SIDT1: variants seen among roughly 807,000 people sequenced by gnomAD.
The protein encoded by SIDT1 is SID1 transmembrane family member 1.
A neutral mutation model predicts 107.5 loss-of-function variants in SIDT1; 101 were observed. That is an observed-to-expected ratio of 0.94 (90% CI 0.80 to 1.11). SIDT1 has a LOEUF of 1.11. Among genes scored for constraint, SIDT1 ranks in the 50% least tolerant of loss-of-function variants. The pLI is 0.00. For missense variants in SIDT1, 1,076 were observed against 1,058.2 expected, an observed-to-expected ratio of 1.02 and a Z score of -0.23; for synonymous variants, 395 against 398.2, an observed-to-expected ratio of 0.99 and a Z score of 0.10.
chr3:113,567,522 C>T lies in SIDT1; in HGVS notation c.345-18C>T, dbSNP rs1262063788. 4 of 1,591,094 alleles carry T rather than the reference C, an allele frequency of 2.5e-6. No homozygotes were observed. Among genetic ancestry groups the T allele is most frequent in the African/African-American group, 2.7e-5 (2 of 73,806 alleles). ...TCTTGTCCTTGTTTATTTTTTTCCC[C>T]TATATTGGCTGCTTCAGATACCAGA... On this transcript the variant is annotated intron_variant, in intron 2 of 24. Coordinates refer to ENST00000264852, the MANE Select transcript of SIDT1 (RefSeq NM_017699.3).
At chr3:113,637,100 G>A in the SIDT1 span, among the ~76,000 whole-genome samples, 68 of 152,250 alleles carry the variant, frequency 4.5e-4, no homozygotes, top group African/African-American at 1.6e-3. Context: ...ACAGTGGGCC[G>A]GGCGCGGTGG....
chr3:113,543,746 A>C (rs1306772714), intron 1 of SIDT1, among the ~76,000 whole-genome samples: 1 of 152,248 alleles, frequency 6.6e-6, no homozygotes, highest in East Asian at 1.9e-4. Context: ...CTTCAAACTT[A>C]CAAGAAAGTA....
In SIDT1 at chr3:113,617,221, A is replaced by G. The variant is rs142065875; in HGVS notation, c.2043+1045A>G. Among the ~76,000 whole-genome samples the G allele has an allele frequency of 7.9e-3, 1,198 of 152,334 alleles. 15 individuals carry two copies. Among genetic ancestry groups the G allele is most frequent in the African/African-American group, 0.026 (1,100 of 41,578 alleles). On this transcript the variant is annotated intron_variant, in intron 20 of 24. Coordinates refer to ENST00000264852, the MANE Select transcript of SIDT1 (RefSeq NM_017699.3). ...ATGTCCATTACGAACTTACACTTCC[A>G]CATTATGCATTTCTGTATTGCTTGA...
intron 3 of SIDT1, among the ~76,000 whole-genome samples, chr3:113,572,589 A>T (rs1942555680): frequency 6.6e-6 from 1 of 152,240 alleles, no homozygotes; most frequent in Non-Finnish European, 1.5e-5. Context: ...GAGATGAAAG[A>T]TGAGGGACAA....
chr3:113,534,232 T>C (rs1381759031), intron 1 of SIDT1, among the ~76,000 whole-genome samples: 1 of 148,860 alleles, frequency 6.7e-6, no homozygotes, highest in East Asian at 2.0e-4. Flanking sequence ...ATGATTGGGA[T>C]ACCATGATAT....
In SIDT1 at chr3:113,625,705, A is replaced by C. The variant is rs1217030662; in HGVS notation, c.2308-397A>C. Among the ~76,000 whole-genome samples, 5 of 152,300 alleles carry C rather than the reference A, an allele frequency of 3.3e-5. No individual in the cohort carries two copies. In the South Asian group the frequency reaches 8.3e-4, roughly 25 times the overall value. On this transcript the variant is annotated intron_variant, in intron 23 of 24. Transcript: ENST00000264852. Reference sequence around the variant, plus strand: ...GCCATTTGTATGTCTTCTTTTGAGAAATGTCTATTCAGATCTTTTGCCCAT... The same window carrying C: ...GCCATTTGTATGTCTTCTTTTGAGACATGTCTATTCAGATCTTTTGCCCAT...
At chr3:113,580,363 A>G (rs530520822) in intron 4 of SIDT1, among the ~76,000 whole-genome samples, 1 of 152,308 alleles carries the variant, frequency 6.6e-6, no homozygotes, top group East Asian at 1.9e-4. Flanking sequence ...TATTTCTTTT[A>G]CCCTAGAAAA....
chr3:113,611,973 T>C lies in SIDT1; in HGVS notation c.1858-113T>C, dbSNP rs146777688. The C allele has an allele frequency of 1.8e-4, 127 of 703,620 alleles. No homozygotes were observed. The African/African-American group carries it at 1.8e-3, about 10-fold the overall frequency. The allele number at this position is 703,620 out of a possible 1,614,324, so 43.6% of individuals were successfully genotyped here. A position where few individuals can be genotyped will look rare whatever the true frequency, so the allele number is the denominator to read the frequency against. On this transcript the variant is annotated intron_variant, in intron 18 of 24. Coordinates refer to ENST00000264852, the MANE Select transcript of SIDT1 (RefSeq NM_017699.3). ...GGGAGTTTCCAGAGGGGGAGAAAAA[T>C]AGAATGTGCACACAGCTGTTTTTGA...
At chr3:113,552,821 G>A (rs549979641) in intron 1 of SIDT1, among the ~76,000 whole-genome samples, 1 of 152,298 alleles carries the variant, frequency 6.6e-6, no homozygotes, top group East Asian at 1.9e-4. Context: ...CCTGTATCCG[G>A]CCCCTTTGAC....
intron 10 of SIDT1, chr3:113,595,022 TAGAGTGAATCATAC>T (rs1944438575): frequency 6.5e-6 from 1 of 154,206 alleles, no homozygotes; most frequent in Admixed American, 6.5e-5. Flanking sequence ...TTCATTGGCC[TAGAGTGAATCATAC>T]ACTTATTGTT....
intron 1 of SIDT1, among the ~76,000 whole-genome samples, chr3:113,551,698 G>A (rs965834214): frequency 6.6e-6 from 1 of 152,164 alleles, no homozygotes; most frequent in Non-Finnish European, 1.5e-5. Context: ...TACCAGGCAA[G>A]CTGGGTTGAT....
chr3:113,535,278 A>T (rs1159683267), intron 1 of SIDT1, among the ~76,000 whole-genome samples: 2 of 132,906 alleles, frequency 1.5e-5, no homozygotes, highest in African/African-American at 2.7e-5. Context: ...TTTTTTCAAA[A>T]TGTTTTTTTT....
Position 113,538,818 on chromosome 3 carries a change from G to T in SIDT1, c.222+5575G>T, listed in dbSNP as rs560179847. 2.2e-4 allele frequency among the ~76,000 whole-genome samples: 33 copies of T among 152,248 alleles called. No homozygotes were observed. In the East Asian group the frequency reaches 6.4e-3, roughly 29 times the overall value. ...TGGTCGGCAGAAAGAAAGGGGAAAG[G>T]CATTTCAGATACGGAAAAATATATC... On this transcript the variant is annotated intron_variant, in intron 1 of 24. Coordinates refer to ENST00000264852, the MANE Select transcript of SIDT1 (RefSeq NM_017699.3).
intron 1 of SIDT1, among the ~76,000 whole-genome samples, chr3:113,540,261 A>C (rs1938660984): frequency 6.6e-6 from 1 of 152,138 alleles, no homozygotes; most frequent in South Asian, 2.1e-4. Context: ...CAACATATTC[A>C]TGAAGGATCT....
Position 113,611,059 on chromosome 3 carries a change from A to T in SIDT1, c.1772A>T (p.Gln591Leu), listed in dbSNP as rs1359174219. The T allele has an allele frequency of 3.1e-6, 5 of 1,614,092 alleles. No individual in the cohort carries two copies. The highest frequency in any genetic ancestry group is 3.3e-4 in the Middle Eastern group (2 of 6,062). The stretch of plus-strand genomic sequence containing the variant: ...GGCCTGTGCATGCTGAAGCTCTATC[A>T]GACCCGCCACCCAGACATCAATGCC... ...IAGLCMLKLY[Q>L]TRHPDINASA... The change falls in exon 18 of 25, where the codon CAG becomes CTG. Residue 591 changes from glutamine (Q) to leucine (L), a missense_variant. Physicochemically the swap from Gln to Leu is moderately radical, Grantham distance 113. Coordinates refer to ENST00000264852, the MANE Select transcript of SIDT1 (RefSeq NM_017699.3).
At chr3:113,543,044 G>A (rs866637250) in intron 1 of SIDT1, among the ~76,000 whole-genome samples, 32 of 151,918 alleles carry the variant, frequency 2.1e-4, no homozygotes, top group South Asian at 4.2e-4. Flanking sequence ...AGGTTCAAGC[G>A]ATTCTCCTGC....
intron 14 of SIDT1, among the ~76,000 whole-genome samples, chr3:113,605,971 C>A (rs1945299739): frequency 6.7e-6 from 1 of 149,826 alleles, no homozygotes; most frequent in African/African-American, 2.5e-5. Flanking sequence ...AGCCACTGCA[C>A]TCCAGCCTGA....
intron 3 of SIDT1, 79 bp downstream of exon 3, chr3:113,567,789 C>A: frequency 2.2e-6 from 3 of 1,378,442 alleles, no homozygotes; most frequent in Non-Finnish European, 2.0e-6. Flanking sequence ...TCCTTACAGA[C>A]TGGTACTCTG....
At chr3:113,533,328 G>T in intron 1 of SIDT1, 85 bp downstream of exon 1, 1 of 1,050,464 alleles carries the variant, frequency 9.5e-7, no homozygotes, top group Non-Finnish European at 1.3e-6. Flanking sequence ...CCTGGGAATT[G>T]ACCTTGGGAG....
Sources: allele counts gnomAD v4.1 joint callset (sites outside exome capture counted in the v4.1 genomes callset), GRCh38; gene constraint gnomAD v4.1.1; transcripts MANE v1.5; gene names NCBI Gene and HGNC (gene_info 2026-07-23, HGNC 2026-07-21).